The following MINPP1 variants were observed in gnomAD, a reference collection of about 807,000 sequenced individuals.
The protein encoded by MINPP1 is multiple inositol polyphosphate phosphatase 1.
A neutral mutation model predicts 46.1 loss-of-function variants in MINPP1; 28 were observed. The ratio of observed to expected loss-of-function variants is 0.61; its 90% CI spans 0.45 to 0.83. The LOEUF (loss-of-function observed/expected upper bound fraction) is 0.83, where lower values mean the gene tolerates loss of function less well. Among genes scored for constraint, MINPP1 ranks in the 40% least tolerant of loss-of-function variants. The pLI is 0.00. For synonymous variants in MINPP1, 268 were observed against 249.1 expected (o/e 1.08, Z -0.72); for missense variants, 603 against 610.0 (o/e 0.99, Z 0.12).
chr10:87,515,924 G>A (rs938523155), intron 3 of MINPP1, among the ~76,000 whole-genome samples: 1 of 147,840 alleles, frequency 6.8e-6, no homozygotes, highest in East Asian at 2.0e-4. Context: ...TGCCTCTTGC[G>A]TTCAAGCAGT....
At position 87,553,428 on chromosome 10, in the gene MINPP1, A is replaced by C. The variant is rs1851991837; in HGVS notation, c.*950A>C. ...CTCTTCCCCATGTCAAAATACAATC[A>C]ATAATTGATGGTAAAAGTTTGGAAA... On this transcript the variant is annotated 3_prime_UTR_variant, in exon 5 of 5. Transcript: ENST00000371996. 6.6e-6 allele frequency: 1 copy of C among 152,126 alleles called. No individual in the cohort carries two copies. The highest frequency in any genetic ancestry group is 2.1e-4 in the South Asian group (1 of 4,832). The allele number at this position is 152,126 out of a possible 1,614,324, so 9.4% of individuals were successfully genotyped here. A position where few individuals can be genotyped will look rare whatever the true frequency, so the allele number is the denominator to read the frequency against.
At chr10:87,537,658 G>T (rs1851756851) in intron 4 of MINPP1, among the ~76,000 whole-genome samples, 1 of 151,572 alleles carries the variant, frequency 6.6e-6, no homozygotes, top group South Asian at 2.1e-4. Flanking sequence ...GACTGATTTT[G>T]CCCCATTATT....
chr10:87,507,975 T>A, intron 1 of MINPP1: 2 of 1,367,456 alleles, frequency 1.5e-6, no homozygotes, highest in Non-Finnish European at 1.9e-6. Context: ...TATGTTGAAT[T>A]CTCTCTCACC....
rs368274378 is a variant in MINPP1, at chr10:87,508,316, T to C, written c.638-20T>C. The C allele has an allele frequency of 1.6e-5, 26 of 1,609,622 alleles. No individual in the cohort carries two copies. In the African/African-American group the frequency reaches 2.9e-4, roughly 18 times the overall value. ...TATGTCAGTGATTTACAAATACATA[T>C]AAATTTTTTTCTCTTTCAGATATGG... On this transcript the variant is annotated intron_variant, in intron 1 of 4. Transcript: ENST00000371996.
chr10:87,538,400 C>G (rs1851768507), intron 4 of MINPP1, among the ~76,000 whole-genome samples: 1 of 152,180 alleles, frequency 6.6e-6, no homozygotes, highest in Admixed American at 6.5e-5. Context: ...GGAGTCACCT[C>G]CTTTGCCTTC....
rs959358123 is a variant in MINPP1 at position 87,504,950 on chromosome 10, C to T, written c.35C>T (p.Ser12Phe). 7 of 1,611,642 alleles carry T rather than the reference C, an allele frequency of 4.3e-6. No homozygotes were observed. In the African/African-American group the frequency reaches 6.7e-5, roughly 15 times the overall value. The change falls in exon 1 of 5, where the codon TCC becomes TTC. Residue 12 changes from serine (S) to phenylalanine (F), a missense_variant. Ser to Phe is a radical substitution (Grantham distance 155, BLOSUM62 -2). Coordinates refer to ENST00000371996, the MANE Select transcript of MINPP1 (RefSeq NM_004897.5). ...LRAPGCLLRTSVAPAAALAAA... is the reference protein window; with the variant it reads ...LRAPGCLLRTFVAPAAALAAA... ...GCGCCCGGCTGCCTCCTCCGGACCT[C>T]CGTAGCGCCTGCCGCGGCCCTGGCT...
At chr10:87,520,850 C>T (rs1014104784) in intron 3 of MINPP1, among the ~76,000 whole-genome samples, 186 bp from the exon 4 acceptor site, 2 of 152,064 alleles carry the variant, frequency 1.3e-5, no homozygotes, top group African/African-American at 4.8e-5. Context: ...ATTTGTGATG[C>T]AGCATAAATC....
intron 1 of MINPP1, among the ~76,000 whole-genome samples, chr10:87,506,423 A>G (rs1378537526): frequency 6.6e-6 from 1 of 152,180 alleles, no homozygotes; most frequent in African/African-American, 2.4e-5. Flanking sequence ...TGCCTATTGT[A>G]TGCCAGGTAT....
At chr10:87,518,602 T>G (rs1851448075) in intron 3 of MINPP1, among the ~76,000 whole-genome samples, 1 of 151,984 alleles carries the variant, frequency 6.6e-6, no homozygotes. Flanking sequence ...CAGTTCAGAT[T>G]TGACATTGTC....
At chr10:87,536,995 G>A (rs1056127946) in intron 4 of MINPP1, among the ~76,000 whole-genome samples, 9 of 151,878 alleles carry the variant, frequency 5.9e-5, no homozygotes, top group East Asian at 3.9e-4. Flanking sequence ...AGAGTGCAGC[G>A]GCACGATCTT....
Position 87,504,950 on chromosome 10 carries a change from C to G in MINPP1, c.35C>G (p.Ser12Cys). The change falls in exon 1 of 5, where the codon TCC (serine) becomes TGC (cysteine). Residue 12 changes from serine to cysteine, a missense_variant. This residue lies in a region of MINPP1 where 239 missense variants were observed against 189.4 expected (regional missense o/e 1.26). Coordinates refer to ENST00000371996, the MANE Select transcript of MINPP1 (RefSeq NM_004897.5). ...LRAPGCLLRTSVAPAAALAAA... is the reference protein window; with the variant it reads ...LRAPGCLLRTCVAPAAALAAA... The stretch of plus-strand genomic sequence containing the variant: ...GCGCCCGGCTGCCTCCTCCGGACCT[C>G]CGTAGCGCCTGCCGCGGCCCTGGCT... 1 of 1,611,760 alleles carries G rather than the reference C, an allele frequency of 6.2e-7. No individual in the cohort carries two copies. The highest frequency in any genetic ancestry group is 8.5e-7 in the Non-Finnish European group (1 of 1,179,454).
At chr10:87,525,422 A>G (rs1347747042) in intron 4 of MINPP1, among the ~76,000 whole-genome samples, 3 of 152,214 alleles carry the variant, frequency 2.0e-5, no homozygotes, top group Non-Finnish European at 4.4e-5. Context: ...ATGATTTAGC[A>G]TCATATTTTT....
chr10:87,518,295 CAT>C (rs1285257192), intron 3 of MINPP1, among the ~76,000 whole-genome samples: 1 of 151,368 alleles, frequency 6.6e-6, no homozygotes, highest in African/African-American at 2.4e-5. Flanking sequence ...TAGTGGTAAG[CAT>C]GTGAGAATTT....
intron 2 of MINPP1, among the ~76,000 whole-genome samples, chr10:87,510,974 T>G (rs909901591): frequency 6.6e-6 from 1 of 152,216 alleles, no homozygotes; most frequent in Non-Finnish European, 1.5e-5. Flanking sequence ...ATTTTAATTT[T>G]CGCCAATTTG....
chr10:87,531,758 G>A (rs141170187), intron 4 of MINPP1, among the ~76,000 whole-genome samples: 33 of 152,138 alleles, frequency 2.2e-4, no homozygotes, highest in Non-Finnish European at 3.8e-4. Context: ...TTAAAATATC[G>A]TATAAAACTA....
At chr10:87,515,398 GA>G (rs1184341474) in intron 3 of MINPP1, among the ~76,000 whole-genome samples, 4 of 150,962 alleles carry the variant, frequency 2.6e-5, no homozygotes, top group Admixed American at 6.6e-5. Context: ...GAAAAAAAAG[GA>G]AAAAAGGAAA....
intron 4 of MINPP1, among the ~76,000 whole-genome samples, chr10:87,530,198 C>T (rs1474426927): frequency 2.0e-5 from 3 of 152,226 alleles, no homozygotes; most frequent in Admixed American, 2.0e-4. Context: ...CGTCTGAAGC[C>T]TTCTTCTCTC....
At chr10:87,515,972 G>A (rs1851408942) in intron 3 of MINPP1, among the ~76,000 whole-genome samples, 1 of 151,598 alleles carries the variant, frequency 6.6e-6, no homozygotes, top group African/African-American at 2.4e-5. Flanking sequence ...GGGATTACAG[G>A]CATGTGCCAT....
At chr10:87,512,425 C>CTCCTTCCCCCTCACTTACCTTGCACT (rs1851348231) in intron 2 of MINPP1, among the ~76,000 whole-genome samples, 1 of 152,092 alleles carries the variant, frequency 6.6e-6, no homozygotes, top group South Asian at 2.1e-4. Context: ...TCTCTCCTTT[C>CTCCTTCCCCCTCACTTACCTTGCACT]TCCTTCCCCC....
Sources: gnomAD v4.1 joint callset for allele counts (sites outside exome capture counted in the v4.1 genomes callset) on GRCh38, gnomAD v4.1.1 for gene constraint, gnomAD v4.1.1 regional missense constraint, MANE v1.5 for transcripts, NCBI Gene and HGNC (gene_info 2026-07-23, HGNC 2026-07-21) for gene names.